Variants in BMP6 observed in about 807,000 individuals in gnomAD.
BMP6 encodes the protein VG-1-R.
A neutral mutation model predicts 54.1 loss-of-function variants in BMP6; 17 were observed. That is an observed-to-expected ratio of 0.31 (90% CI 0.22 to 0.47). The LOEUF (loss-of-function observed/expected upper bound fraction) is 0.47. BMP6 is among the 20% of genes least tolerant of loss of function. The pLI, the probability that BMP6 is intolerant of heterozygous loss-of-function variation, is 1.00. For missense variants in BMP6, 720 were observed against 690.4 expected, an observed-to-expected ratio of 1.04 and a Z score of -0.48; for synonymous variants, 328 against 291.2, an observed-to-expected ratio of 1.13 and a Z score of -1.28.
At chr6:7,818,348 T>A (rs1758560534) in intron 1 of BMP6, among the ~76,000 whole-genome samples, 1 of 152,148 alleles carries the variant, frequency 6.6e-6, no homozygotes, top group Non-Finnish European at 1.5e-5. Flanking sequence ...ACAGAAAAGA[T>A]TTTGGAATCT....
At chr6:7,787,547 T>C (rs1365590296) in intron 1 of BMP6, among the ~76,000 whole-genome samples, 1 of 152,238 alleles carries the variant, frequency 6.6e-6, no homozygotes, top group African/African-American at 2.4e-5. Flanking sequence ...GACTCCTCAC[T>C]CAGAGCAGGG....
rs111760954 is a variant in BMP6, at chr6:7,774,706, C to CA, written c.664+47095dup. Among the ~76,000 whole-genome samples, 938 of 151,918 alleles carry CA rather than the reference C, an allele frequency of 6.2e-3. 7 individuals carry two copies. Among genetic ancestry groups the CA allele is most frequent in the African/African-American group, 0.022 (905 of 41,458 alleles). On this transcript the variant is annotated intron_variant, in intron 1 of 6. Coordinates refer to ENST00000283147, the MANE Select transcript of BMP6 (RefSeq NM_001718.6). ...CCTGGATGACAGAGTGAGACTCCGTCAAAAAAAAGATCAACACAATACATT... is the reference window on the plus strand; with the variant it reads ...CCTGGATGACAGAGTGAGACTCCGTCAAAAAAAAAGATCAACACAATACATT...
intron 1 of BMP6, among the ~76,000 whole-genome samples, chr6:7,745,537 C>T (rs538449706): frequency 6.7e-4 from 102 of 152,342 alleles, no homozygotes; most frequent in African/African-American, 1.9e-3. Flanking sequence ...TTCCAAGGCA[C>T]TGAGATTACA....
At chr6:7,854,312 A>G (rs964800619) in intron 2 of BMP6, among the ~76,000 whole-genome samples, 3 of 152,190 alleles carry the variant, frequency 2.0e-5, no homozygotes, top group Non-Finnish European at 4.4e-5. Flanking sequence ...AAATAGGTAC[A>G]TCTACTATAT....
intron 1 of BMP6, among the ~76,000 whole-genome samples, chr6:7,831,380 G>T (rs558042524): frequency 5.9e-5 from 9 of 152,272 alleles, no homozygotes; most frequent in African/African-American, 2.2e-4. Context: ...TAGAGGTAGT[G>T]GATGCACAAC....
At chr6:7,731,065 A>G (rs1353535769) in intron 1 of BMP6, among the ~76,000 whole-genome samples, 1 of 152,142 alleles carries the variant, frequency 6.6e-6, no homozygotes, top group African/African-American at 2.4e-5. Context: ...CTGGTCATCC[A>G]ACCAGCTCAT....
intron 1 of BMP6, among the ~76,000 whole-genome samples, chr6:7,760,053 ATTTTTCAACTTT>A (rs1757588325): frequency 9.2e-6 from 1 of 108,886 alleles, no homozygotes; most frequent in African/African-American, 3.5e-5. Flanking sequence ...CTTAATTTTT[ATTTTTCAACTTT>A]TTTTTTTTTT....
intron 1 of BMP6, among the ~76,000 whole-genome samples, chr6:7,768,004 G>GT (rs1367065667): frequency 1.3e-5 from 2 of 151,916 alleles, no homozygotes; most frequent in African/African-American, 4.8e-5. Context: ...TGGGTCTCAG[G>GT]TTTTTTTCTC....
chr6:7,838,671 G>T (rs999823244), intron 1 of BMP6, among the ~76,000 whole-genome samples: 1 of 152,102 alleles, frequency 6.6e-6, no homozygotes, highest in Non-Finnish European at 1.5e-5. Context: ...GGCTGGGCGC[G>T]GTGGCTCACG....
rs1161364191 is a variant in BMP6, at chr6:7,867,078, G to T, written c.1204+4580G>T. Reference sequence around the variant, plus strand: ...GTAGAGACGGAGTTTCACCATGTTGGTCAGGCTGGTCTCAAACTCCTGACC... The same window carrying T: ...GTAGAGACGGAGTTTCACCATGTTGTTCAGGCTGGTCTCAAACTCCTGACC... On this transcript the variant is annotated intron_variant, in intron 4 of 6. Transcript: ENST00000283147. Among the ~76,000 whole-genome samples, 3 of 152,042 alleles carry T rather than the reference G, an allele frequency of 2.0e-5. No individual in the cohort carries two copies. The East Asian group carries it at 5.8e-4, about 29-fold the overall frequency.
At chr6:7,877,989 A>G (rs1045065213) in intron 4 of BMP6, among the ~76,000 whole-genome samples, 4 of 152,156 alleles carry the variant, frequency 2.6e-5, no homozygotes, top group African/African-American at 9.6e-5. Flanking sequence ...GGAAGTCCGA[A>G]GCATTGTGGT....
At chr6:7,765,472 G>A (rs1033112052) in intron 1 of BMP6, among the ~76,000 whole-genome samples, 3 of 152,114 alleles carry the variant, frequency 2.0e-5, no homozygotes, top group African/African-American at 4.8e-5. Flanking sequence ...ACCTTGCCCC[G>A]TGACCACACC....
chr6:7,771,716 A>G (rs1185100465), intron 1 of BMP6, among the ~76,000 whole-genome samples: 1 of 152,162 alleles, frequency 6.6e-6, no homozygotes, highest in East Asian at 1.9e-4. Context: ...GGCAGGCTGT[A>G]TAGCAGAAAC....
chr6:7,774,049 C>G (rs1187918432), intron 1 of BMP6, among the ~76,000 whole-genome samples: 1 of 152,176 alleles, frequency 6.6e-6, no homozygotes, highest in East Asian at 1.9e-4. Flanking sequence ...GAGGTATAGT[C>G]CTGGGCCAAG....
At chr6:7,775,626 A>G (rs886219452) in intron 1 of BMP6, among the ~76,000 whole-genome samples, 4 of 152,206 alleles carry the variant, frequency 2.6e-5, no homozygotes, top group African/African-American at 4.8e-5. Flanking sequence ...TCAAGTAGTC[A>G]AGGGACCGGG....
At chr6:7,821,950 A>T (rs1758617375) in intron 1 of BMP6, among the ~76,000 whole-genome samples, 1 of 152,148 alleles carries the variant, frequency 6.6e-6, no homozygotes. Flanking sequence ...ACGGTTATGA[A>T]TTTTAACTAT....
chr6:7,861,307 G>A (rs1395475799), intron 2 of BMP6, 144 bp from the exon 3 acceptor site: 4 of 1,070,524 alleles, frequency 3.7e-6, no homozygotes, highest in African/African-American at 1.6e-5. Flanking sequence ...CGCCTTTCAG[G>A]GCTATGGCAA....
chr6:7,829,782 G>T (rs1581266773), intron 1 of BMP6, among the ~76,000 whole-genome samples: 1 of 152,084 alleles, frequency 6.6e-6, no homozygotes, highest in African/African-American at 2.4e-5. Flanking sequence ...GGTCTTCTTT[G>T]CCTCCCGCCT....
chr6:7,729,502 TTAGCTGCCCTG>T (rs1761813846), intron 1 of BMP6, among the ~76,000 whole-genome samples: 1 of 152,182 alleles, frequency 6.6e-6, no homozygotes, highest in African/African-American at 2.4e-5. Flanking sequence ...GTTCTCAGCA[TTAGCTGCCCTG>T]TAGTATCACC....
Sources: allele counts gnomAD v4.1 joint callset (sites outside exome capture counted in the v4.1 genomes callset), GRCh38; gene constraint gnomAD v4.1.1; transcripts MANE v1.5; gene names NCBI Gene and HGNC (gene_info 2026-07-23, HGNC 2026-07-21).